The following SLCO3A1 variants were observed in gnomAD, a reference collection of about 807,000 sequenced individuals.
SLCO3A1 encodes the protein solute carrier organic anion transporter family member 3A1.
A neutral mutation model predicts 63.1 loss-of-function variants in SLCO3A1; 27 were observed. The ratio of observed to expected loss-of-function variants is 0.43; its 90% CI spans 0.32 to 0.59. The LOEUF is 0.59. SLCO3A1 is among the 20% of genes least tolerant of loss of function. SLCO3A1 has a pLI of 0.09. For synonymous variants in SLCO3A1, 473 were observed against 409.9 expected, an observed-to-expected ratio of 1.15 and a Z score of -1.86; for missense variants, 773 against 945.8, an observed-to-expected ratio of 0.82 and a Z score of 2.40.
At chr15:92,030,716 G>A (rs1376892780) in intron 2 of SLCO3A1, among the ~76,000 whole-genome samples, 1 of 152,172 alleles carries the variant, frequency 6.6e-6, no homozygotes, top group East Asian at 1.9e-4. Context: ...CCCCACCATG[G>A]CAGAGAGGAA....
intron 2 of SLCO3A1, among the ~76,000 whole-genome samples, chr15:92,086,504 G>A (rs889546813): frequency 6.6e-6 from 1 of 151,746 alleles, no homozygotes; most frequent in Non-Finnish European, 1.5e-5. Context: ...GTCTACATAT[G>A]AACTCCTTGA....
chr15:91,974,265 G>GTTATTATTATTA (rs56317875), intron 2 of SLCO3A1, among the ~76,000 whole-genome samples: 12,397 of 142,856 alleles, frequency 0.087, 596 homozygotes, highest in African/African-American at 0.096. Flanking sequence ...TTTCATTATT[G>GTTATTATTATTA]TTATTATTAT....
At chr15:91,980,354 C>T (rs889475605) in intron 2 of SLCO3A1, among the ~76,000 whole-genome samples, 1 of 151,668 alleles carries the variant, frequency 6.6e-6, no homozygotes, top group Non-Finnish European at 1.5e-5. Context: ...TTAAGGGGCT[C>T]ACCATCTTGG....
chr15:91,892,750 A>C (rs990295009), intron 1 of SLCO3A1, among the ~76,000 whole-genome samples: 1 of 152,194 alleles, frequency 6.6e-6, no homozygotes, highest in Admixed American at 6.5e-5. Context: ...CCTAGATTCC[A>C]GTTCTGATTC....
intron 9 of SLCO3A1, among the ~76,000 whole-genome samples, chr15:92,158,427 TCTCA>T (rs891066528): frequency 3.6e-4 from 55 of 152,284 alleles, no homozygotes; most frequent in African/African-American, 1.2e-3. Flanking sequence ...GAACAAATAA[TCTCA>T]CTCTCAGTTT....
intron 9 of SLCO3A1, among the ~76,000 whole-genome samples, chr15:92,151,989 T>G (rs574659655): frequency 6.6e-6 from 1 of 152,360 alleles, no homozygotes; most frequent in East Asian, 1.9e-4. Flanking sequence ...AGGATTTATG[T>G]TCCCCTTTAA....
At chr15:91,876,441 C>T (rs977143488) in intron 1 of SLCO3A1, among the ~76,000 whole-genome samples, 3 of 152,192 alleles carry the variant, frequency 2.0e-5, no homozygotes, top group Non-Finnish European at 4.4e-5. Context: ...TCACATGGAG[C>T]GGTCTGGATG....
intron 1 of SLCO3A1, among the ~76,000 whole-genome samples, chr15:91,892,833 G>A (rs767664858): frequency 2.6e-5 from 4 of 152,142 alleles, no homozygotes; most frequent in Admixed American, 6.5e-5. Flanking sequence ...TTCCTTGTAC[G>A]TAAAATGGGG....
At chr15:92,020,436 G>A (rs2046494721) in intron 2 of SLCO3A1, among the ~76,000 whole-genome samples, 1 of 152,244 alleles carries the variant, frequency 6.6e-6, no homozygotes, top group Non-Finnish European at 1.5e-5. Context: ...GAAACCATGT[G>A]GGCTGGCCCA....
chr15:91,957,861 A>G (rs534250627), intron 2 of SLCO3A1, among the ~76,000 whole-genome samples: 1 of 152,338 alleles, frequency 6.6e-6, no homozygotes, highest in South Asian at 2.1e-4. Context: ...CGAGGACTTC[A>G]TTCAGTTCAG....
chr15:91,940,593 C>G (rs1262998775), intron 2 of SLCO3A1, among the ~76,000 whole-genome samples: 2 of 152,054 alleles, frequency 1.3e-5, no homozygotes, highest in African/African-American at 4.8e-5. Flanking sequence ...ACAGGGTGAT[C>G]CAAGAGCACC....
chr15:92,163,975 T>C lies in SLCO3A1; in HGVS notation c.*840T>C. On this transcript the variant is annotated 3_prime_UTR_variant, in exon 10 of 10. Transcript: ENST00000318445. ...TATGACTGACCCGGCTCAGAGCTGG[T>C]GAGACCCAACGCAGTCCAAGTCATT... 1.0e-6 allele frequency: 1 copy of C among 985,456 alleles called. No individual in the cohort carries two copies. Among genetic ancestry groups the C allele is most frequent in the Non-Finnish European group, 1.2e-6 (1 of 829,948 alleles). 61.0% of individuals were successfully genotyped at this position (985,456 alleles called of 1,614,324 possible). A position where few individuals can be genotyped will look rare whatever the true frequency, so the allele number is the denominator to read the frequency against.
At chr15:92,162,113 A>G (rs1431664107) in intron 9 of SLCO3A1, 1 of 147,292 alleles carries the variant, frequency 6.8e-6, no homozygotes, top group African/African-American at 2.5e-5. Flanking sequence ...AAAGTGACAC[A>G]GTACACACTG....
intron 2 of SLCO3A1, among the ~76,000 whole-genome samples, chr15:91,936,031 G>A (rs1448936641): frequency 6.6e-6 from 1 of 152,154 alleles, no homozygotes; most frequent in Non-Finnish European, 1.5e-5. Flanking sequence ...AGTGACTGAG[G>A]GTGAGGGCTC....
At chr15:92,007,152 A>G (rs548892574) in intron 2 of SLCO3A1, among the ~76,000 whole-genome samples, 2 of 152,334 alleles carry the variant, frequency 1.3e-5, no homozygotes, top group East Asian at 3.9e-4. Context: ...ACCTTTATAT[A>G]TATGTTCTCA....
chr15:91,907,757 C>T (rs1378054952), intron 1 of SLCO3A1, among the ~76,000 whole-genome samples: 3 of 152,120 alleles, frequency 2.0e-5, no homozygotes, highest in Non-Finnish European at 4.4e-5. Context: ...AACTCCTGAC[C>T]TCAGGTGATC....
Position 91,885,620 on chromosome 15 carries a change from C to T in SLCO3A1, c.181-30373C>T, listed in dbSNP as rs1190103536. The stretch of plus-strand genomic sequence containing the variant: ...CATTTATACAATATCAACCCTTAAA[C>T]TGATGGCCCTTGAACAAGTGCATCA... On this transcript the variant is annotated intron_variant, in intron 1 of 9. Coordinates refer to ENST00000318445, the MANE Select transcript of SLCO3A1 (RefSeq NM_013272.4). This position sits in a 1 kb window ranked among gnomAD's most constrained non-coding sequence, Gnocchi z 4.7. 6.6e-6 allele frequency among the ~76,000 whole-genome samples: 1 copy of T among 150,800 alleles called. No individual in the cohort carries two copies. Among genetic ancestry groups the T allele is most frequent in the Non-Finnish European group, 1.5e-5 (1 of 67,262 alleles).
chr15:91,920,500 C>T (rs1212368993), intron 2 of SLCO3A1, among the ~76,000 whole-genome samples: 1 of 152,184 alleles, frequency 6.6e-6, no homozygotes, highest in Non-Finnish European at 1.5e-5. Context: ...TCCTAGCTAA[C>T]GGTTCAGGTC....
intron 2 of SLCO3A1, among the ~76,000 whole-genome samples, chr15:91,983,721 A>G (rs1252171415): frequency 6.6e-6 from 1 of 152,204 alleles, no homozygotes. Context: ...AAGCAATAAA[A>G]TCATGTTGAT....
Sources: gnomAD v4.1 joint callset for allele counts (sites outside exome capture counted in the v4.1 genomes callset) on GRCh38, gnomAD v4.1.1 for gene constraint, Gnocchi (gnomAD v3.1) non-coding constraint, MANE v1.5 for transcripts, NCBI Gene and HGNC (gene_info 2026-07-23, HGNC 2026-07-21) for gene names.